Variants in OXR1 observed in about 807,000 individuals in gnomAD.
The protein encoded by OXR1 is oxidation resistance 1.
Under a neutral mutation model 104.6 loss-of-function variants are expected in OXR1, and 41 were observed. That is an observed-to-expected ratio of 0.39 (90% confidence interval 0.31 to 0.51). The LOEUF (loss-of-function observed/expected upper bound fraction) is 0.51, where lower values mean the gene tolerates loss of function less well. Ranked by LOEUF, OXR1 falls within the 20% of genes least tolerant of loss-of-function variation. The pLI, the probability that OXR1 is intolerant of heterozygous loss-of-function variation, is 0.77. For synonymous variants in OXR1, 348 were observed against 348.4 expected, an observed-to-expected ratio of 1.00 and a Z score of 0.01; for missense variants, 955 against 1,031.9, an observed-to-expected ratio of 0.93 and a Z score of 1.02.
chr8:106,708,505 C>T (rs781191910), intron 9 of OXR1, among the ~76,000 whole-genome samples: 1 of 152,180 alleles, frequency 6.6e-6, no homozygotes, highest in East Asian at 1.9e-4. Flanking sequence ...ACTCTAGATA[C>T]TTCATGTGAG....
intron 1 of OXR1, among the ~76,000 whole-genome samples, chr8:106,309,354 T>C (rs946822152): frequency 3.3e-5 from 5 of 152,170 alleles, no homozygotes; most frequent in South Asian, 4.1e-4. Context: ...AAATTATCTT[T>C]CATAACCTTA....
chr8:106,580,614 A>G (rs2130623778), intron 3 of OXR1, among the ~76,000 whole-genome samples: 1 of 152,218 alleles, frequency 6.6e-6, no homozygotes, highest in African/African-American at 2.4e-5. Context: ...ATCCTATGGT[A>G]TTTATTTATT....
intron 3 of OXR1, among the ~76,000 whole-genome samples, chr8:106,559,351 A>G (rs938386124): frequency 2.6e-5 from 4 of 152,320 alleles, no homozygotes; most frequent in Non-Finnish European, 4.4e-5. Context: ...GGCTTTCTCT[A>G]CAGCTCTCCT....
chr8:106,316,769 T>TA (rs1387540129), intron 1 of OXR1, among the ~76,000 whole-genome samples: 1 of 145,560 alleles, frequency 6.9e-6, no homozygotes, highest in Non-Finnish European at 1.5e-5. Context: ...TCTATCTATC[T>TA]ATCTATTGCT....
intron 2 of OXR1, among the ~76,000 whole-genome samples, chr8:106,503,034 C>T (rs1469795951): frequency 1.3e-5 from 2 of 152,070 alleles, no homozygotes; most frequent in Non-Finnish European, 2.9e-5. Context: ...CCTTTTTATG[C>T]CCCAAAGGAT....
At chr8:106,721,118 G>A (rs1832786954) in intron 11 of OXR1, among the ~76,000 whole-genome samples, 1 of 151,908 alleles carries the variant, frequency 6.6e-6, no homozygotes, top group Non-Finnish European at 1.5e-5. Flanking sequence ...CACATGTTCA[G>A]TATGCCAGTC....
At chr8:106,492,837 T>A (rs917728323) in intron 2 of OXR1, among the ~76,000 whole-genome samples, 8 of 152,190 alleles carry the variant, frequency 5.3e-5, no homozygotes, top group Non-Finnish European at 1.0e-4. Flanking sequence ...GTGTTAAGAC[T>A]TCAACGAACT....
At chr8:106,624,159 C>A (rs1821955972) in intron 3 of OXR1, among the ~76,000 whole-genome samples, 1 of 152,166 alleles carries the variant, frequency 6.6e-6, no homozygotes, top group Admixed American at 6.5e-5. Flanking sequence ...AACTTACTTT[C>A]ATTGAAACCA....
At chr8:106,629,783 G>A (rs1024049753) in intron 3 of OXR1, among the ~76,000 whole-genome samples, 2 of 152,036 alleles carry the variant, frequency 1.3e-5, no homozygotes, top group Admixed American at 6.6e-5. Flanking sequence ...AAGGAAGAGC[G>A]CAAACATTAT....
At chr8:106,705,113 C>T (rs994990602) in intron 8 of OXR1, among the ~76,000 whole-genome samples, 1 of 152,092 alleles carries the variant, frequency 6.6e-6, no homozygotes, top group African/African-American at 2.4e-5. Context: ...TAGCACTTTT[C>T]TAAATATATA....
At chr8:106,688,106 C>T (rs1049832704) in intron 6 of OXR1, among the ~76,000 whole-genome samples, 1 of 152,052 alleles carries the variant, frequency 6.6e-6, no homozygotes, top group African/African-American at 2.4e-5. Flanking sequence ...GTTTTGTACA[C>T]CTTTGGTTTT....
intron 12 of OXR1, among the ~76,000 whole-genome samples, chr8:106,738,039 T>A (rs1554635271): frequency 1.3e-5 from 2 of 152,188 alleles, no homozygotes; most frequent in Non-Finnish European, 1.5e-5. Context: ...AATATCTCAA[T>A]AGGATAAACT....
At chr8:106,467,996 T>G (rs1323531265) in intron 2 of OXR1, among the ~76,000 whole-genome samples, 3 of 151,750 alleles carry the variant, frequency 2.0e-5, no homozygotes, top group Non-Finnish European at 2.9e-5. Context: ...AGAAAGAGAG[T>G]GACAGAGATG....
At chr8:106,384,827 G>T (rs1365384716) in intron 2 of OXR1, among the ~76,000 whole-genome samples, 3 of 150,056 alleles carry the variant, frequency 2.0e-5, no homozygotes, top group African/African-American at 7.4e-5. Flanking sequence ...CTATTCTCCT[G>T]CCTCAGCCTC....
chr8:106,382,682 G>GTT (rs35296978), intron 2 of OXR1, among the ~76,000 whole-genome samples: 6,180 of 86,164 alleles, frequency 0.072, 564 homozygotes, highest in Non-Finnish European at 0.097. Context: ...AGAACTATAG[G>GTT]TTTTTTTTTT....
At chr8:106,512,082 T>C (rs1037856816) in intron 2 of OXR1, among the ~76,000 whole-genome samples, 7 of 152,236 alleles carry the variant, frequency 4.6e-5, no homozygotes, top group African/African-American at 1.4e-4. Flanking sequence ...AAGTACTTTT[T>C]CAAATATTAG....
chr8:106,529,412 A>C (rs1813928131), intron 3 of OXR1, among the ~76,000 whole-genome samples: 1 of 152,180 alleles, frequency 6.6e-6, no homozygotes, highest in Non-Finnish European at 1.5e-5. Flanking sequence ...TTAATATGAA[A>C]GCTTTATTTC....
intron 2 of OXR1, among the ~76,000 whole-genome samples, chr8:106,364,613 G>C (rs1356261427): frequency 6.5e-5 from 1 of 15,446 alleles, no homozygotes; most frequent in African/African-American, 2.8e-4. Flanking sequence ...AACAAAAAAA[G>C]TAATAATTTT....
At chr8:106,526,354 A>C (rs564653697) in intron 3 of OXR1, among the ~76,000 whole-genome samples, 2 of 152,350 alleles carry the variant, frequency 1.3e-5, no homozygotes, top group Non-Finnish European at 2.9e-5. Context: ...TATTTGCAGC[A>C]TGAAGGAGAA....
Sources: allele counts gnomAD v4.1 joint callset (sites outside exome capture counted in the v4.1 genomes callset), GRCh38; gene constraint gnomAD v4.1.1; transcripts MANE v1.5; gene names NCBI Gene and HGNC (gene_info 2026-07-23, HGNC 2026-07-21).